Variants in ZNF544 observed in about 807,000 individuals in gnomAD.
ZNF544 encodes the protein zinc finger protein AF020591.
A neutral mutation model predicts 13.5 loss-of-function variants in ZNF544; 10 were observed. The ratio of observed to expected loss-of-function variants is 0.74; its 90% CI spans 0.46 to 1.25. The LOEUF is 1.25. ZNF544 is among the 50% of genes most tolerant of loss of function. The pLI, the probability that ZNF544 is intolerant of heterozygous loss-of-function variation, is 0.00. For missense variants in ZNF544, 896 were observed against 845.6 expected, an observed-to-expected ratio of 1.06 and a Z score of -0.74; for synonymous variants, 323 against 300.5, an observed-to-expected ratio of 1.07 and a Z score of -0.77.
intron 5 of ZNF544, among the ~76,000 whole-genome samples, chr19:58,269,904 GAATGAGACTCTGTCTCAAA>G (rs1375497760): frequency 1.3e-5 from 2 of 152,066 alleles, no homozygotes; most frequent in Non-Finnish European, 2.9e-5. Context: ...CTGGGCGACA[GAATGAGACTCTGTCTCAAA>G]ACAGAGCAAA....
intron 6 of ZNF544, chr19:58,251,222 A>G: frequency 2.1e-6 from 1 of 481,290 alleles, no homozygotes; most frequent in East Asian, 5.7e-5. Context: ...AATGGCTACT[A>G]TTATCCAGTT....
In ZNF544 at chr19:58,246,659, T is replaced by G. The variant is rs534078146; in HGVS notation, c.161-52T>G. On this transcript the variant is annotated intron_variant, in intron 5 of 6. Coordinates refer to ENST00000687789, the MANE Select transcript of ZNF544 (RefSeq NM_014480.4). Reference sequence around the variant, plus strand: ...GGGGCTGAAGCTTGGACCCAGGACATGGTTCTTGGTGTCCAAGCAGAGGGG... The same window carrying G: ...GGGGCTGAAGCTTGGACCCAGGACAGGGTTCTTGGTGTCCAAGCAGAGGGG... 1.6e-5 allele frequency: 26 copies of G among 1,589,824 alleles called. No individual in the cohort carries two copies. In the Admixed American group the frequency reaches 3.2e-4, roughly 20 times the overall value.
chr19:58,259,918 TAAAC>T (rs2048522597), intron 6 of ZNF544: 1 of 151,810 alleles, frequency 6.6e-6, no homozygotes, highest in Non-Finnish European at 1.5e-5. Flanking sequence ...GTCTCAAAAA[TAAAC>T]AAAACAAAAT....
Position 58,261,657 on chromosome 19 carries a change from G to T in ZNF544, c.1051G>T (p.Glu351Ter). ...TGACTGTAACATCATTCAGACTACA[G>T]AGAAGCCATCTGTGTGTAATCAGTG... is the stretch of plus-strand genomic sequence containing the variant. ...FSDCNIIQTT[E>*]KPSVCNQCGK... Residue 351 changes from glutamate to a stop codon, truncating the protein, a stop_gained, in exon 7 of 7, where the codon GAG becomes TAG. Coordinates refer to ENST00000687789, the MANE Select transcript of ZNF544 (RefSeq NM_014480.4). LOFTEE classifies it low-confidence loss of function (END_TRUNC). 1 of 1,614,208 alleles carries T rather than the reference G, an allele frequency of 6.2e-7. No homozygotes were observed. The highest frequency in any genetic ancestry group is 8.5e-7 in the Non-Finnish European group (1 of 1,180,038).
At chr19:58,247,254 T>G (rs999630669) in intron 6 of ZNF544, 1 of 152,600 alleles carries the variant, frequency 6.6e-6, no homozygotes, top group Non-Finnish European at 1.5e-5. Flanking sequence ...CCTGGCTAAT[T>G]CTTTTGTTTT....
chr19:58,276,206 A>C, intron 5 of ZNF544: 1 of 446,786 alleles, frequency 2.2e-6, no homozygotes, highest in Non-Finnish European at 3.7e-6. Context: ...AAAAAAGAAC[A>C]CACAGGTTTC....
Position 58,262,933 on chromosome 19 carries a change from A to G in ZNF544, c.*179A>G. The stretch of plus-strand genomic sequence containing the variant: ...CCTACGAATGCATTGATTGTGGGAA[A>G]GCCTTCAATGATCGCTCAACCCTTA... On this transcript the variant is annotated 3_prime_UTR_variant, in exon 7 of 7. Transcript: ENST00000687789. The G allele has an allele frequency of 7.0e-7, 1 of 1,436,598 alleles. No individual in the cohort carries two copies. The highest frequency in any genetic ancestry group is 9.1e-7 in the Non-Finnish European group (1 of 1,101,162). 89.0% of individuals were successfully genotyped at this position (1,436,598 alleles called of 1,614,324 possible). A position where few individuals can be genotyped will look rare whatever the true frequency, so the allele number is the denominator to read the frequency against.
Position 58,262,386 on chromosome 19 carries a change from C to A in ZNF544, c.1780C>A (p.His594Asn). 6.2e-7 allele frequency: 1 copy of A among 1,614,182 alleles called. No homozygotes were observed. Among genetic ancestry groups the A allele is most frequent in the East Asian group, 2.2e-5 (1 of 44,892 alleles). Residue 594 changes from histidine (H) to asparagine (N), a missense_variant, in exon 7 of 7, where the codon CAT becomes AAT. By Grantham distance (68) the His-to-Asn change is moderately conservative. Transcript: ENST00000687789. ...CAGCCAAAGCTATCAGTTAGTTGCA[C>A]ATAAAAGAACTCACACTGGAGAAAA... ...SFSQSYQLVA[H>N]KRTHTGEKPY...
At chr19:58,236,273 GC>G (rs2042361696) in intron 3 of ZNF544, among the ~76,000 whole-genome samples, 1 of 151,792 alleles carries the variant, frequency 6.6e-6, no homozygotes, top group Non-Finnish European at 1.5e-5. Context: ...GCCGAGGCGG[GC>G]AGATCACCTG....
intron 3 of ZNF544, among the ~76,000 whole-genome samples, chr19:58,239,683 G>A (rs990436098): frequency 2.0e-5 from 3 of 152,202 alleles, no homozygotes; most frequent in Non-Finnish European, 2.9e-5. Context: ...CGGATCGCCC[G>A]AGGTCAGGAG....
intron 3 of ZNF544, among the ~76,000 whole-genome samples, chr19:58,236,282 C>T (rs1473189390): frequency 1.3e-5 from 2 of 151,336 alleles, no homozygotes; most frequent in African/African-American, 2.4e-5. Context: ...GGCAGATCAC[C>T]TGAGGTCGGG....
At chr19:58,269,801 A>G (rs1415762688) in intron 5 of ZNF544, among the ~76,000 whole-genome samples, 1 of 152,004 alleles carries the variant, frequency 6.6e-6, no homozygotes, top group African/African-American at 2.4e-5. Flanking sequence ...AATGCCTGCA[A>G]TCCCAGCTAC....
At chr19:58,270,804 T>C (rs2050540339) in intron 5 of ZNF544, among the ~76,000 whole-genome samples, 1 of 152,134 alleles carries the variant, frequency 6.6e-6, no homozygotes, top group South Asian at 2.1e-4. Flanking sequence ...CTTTTAAACA[T>C]GATATGTAAG....
chr19:58,242,673 G>A (rs757840299), intron 3 of ZNF544, among the ~76,000 whole-genome samples: 5 of 151,776 alleles, frequency 3.3e-5, no homozygotes, highest in African/African-American at 9.7e-5. Flanking sequence ...GACCATGCCC[G>A]GCTAACGTTT....
At chr19:58,251,366 G>C in intron 6 of ZNF544, 2 of 518,956 alleles carry the variant, frequency 3.9e-6, no homozygotes, top group Non-Finnish European at 7.7e-6. Context: ...TCAGGTTCCC[G>C]GTCTGGGACT....
downstream of ZNF544, among the ~76,000 whole-genome samples, chr19:58,265,707 C>G (rs1251797944): frequency 6.6e-6 from 1 of 152,062 alleles, no homozygotes; most frequent in Non-Finnish European, 1.5e-5. Context: ...TCCTCCTGTC[C>G]TTGCCTCCTA....
At chr19:58,256,654 T>C (rs145632455) in intron 6 of ZNF544, among the ~76,000 whole-genome samples, 3 of 152,218 alleles carry the variant, frequency 2.0e-5, no homozygotes, top group Admixed American at 6.5e-5. Context: ...TCTGTTGTTA[T>C]CTCTTTGAGA....
intron 6 of ZNF544, 48 bp from the exon 7 acceptor site, chr19:58,260,803 C>G: frequency 6.7e-7 from 1 of 1,496,532 alleles, no homozygotes; most frequent in East Asian, 2.3e-5. Flanking sequence ...CCTCCCCCTC[C>G]CCCTCTGATG....
At chr19:58,240,565 G>T (rs940176128) in intron 3 of ZNF544, among the ~76,000 whole-genome samples, 2 of 152,046 alleles carry the variant, frequency 1.3e-5, no homozygotes, top group East Asian at 3.9e-4. Context: ...TTTGAGACCA[G>T]CCTGGACAAC....
Sources: allele counts gnomAD v4.1 joint callset (sites outside exome capture counted in the v4.1 genomes callset), GRCh38; gene constraint gnomAD v4.1.1; transcripts MANE v1.5; gene names NCBI Gene and HGNC (gene_info 2026-07-23, HGNC 2026-07-21).